The following DACH1 variants were observed in gnomAD, a reference collection of about 807,000 sequenced individuals.
DACH1 encodes the protein dachshund homolog 1.
DACH1 carries 12 observed loss-of-function variants against 54.2 expected under a neutral mutation model. The observed-to-expected ratio is 0.22, with a 90% confidence interval of 0.14 to 0.36. DACH1 has a LOEUF of 0.36. Ranked by LOEUF, DACH1 falls within the 10% of genes least tolerant of loss-of-function variation. DACH1 has a pLI of 1.00. For missense variants in DACH1, 805 were observed against 929.8 expected, an observed-to-expected ratio of 0.87 and a Z score of 1.75; for synonymous variants, 386 against 366.2, an observed-to-expected ratio of 1.05 and a Z score of -0.62.
chr13:71,537,088 C>T (rs1269905700), intron 6 of DACH1, among the ~76,000 whole-genome samples: 1 of 152,060 alleles, frequency 6.6e-6, no homozygotes, highest in African/African-American at 2.4e-5. Flanking sequence ...TGATCACTTC[C>T]CTACCTCCCT....
At chr13:71,752,311 T>A (rs531871596) in intron 1 of DACH1, among the ~76,000 whole-genome samples, 3 of 152,184 alleles carry the variant, frequency 2.0e-5, no homozygotes, top group Non-Finnish European at 4.4e-5. Flanking sequence ...ACTGTTGATT[T>A]TAAAAATATA....
chr13:71,533,787 C>T (rs947670505), intron 6 of DACH1, among the ~76,000 whole-genome samples: 2 of 151,910 alleles, frequency 1.3e-5, no homozygotes, highest in African/African-American at 4.8e-5. Flanking sequence ...CACACACACA[C>T]ACACTTTACT....
At chr13:71,595,351 G>C (rs1244874171) in intron 3 of DACH1, among the ~76,000 whole-genome samples, 1 of 152,094 alleles carries the variant, frequency 6.6e-6, no homozygotes, top group Non-Finnish European at 1.5e-5. Context: ...TATGAAATAG[G>C]AAGCCTTGGG....
At chr13:71,479,061 C>A in intron 8 of DACH1, 108 bp downstream of exon 8, 1 of 1,025,078 alleles carries the variant, frequency 9.8e-7, no homozygotes, top group Non-Finnish European at 1.4e-6. Flanking sequence ...ACTTTAGCTA[C>A]CGTTAAATTA....
rs182766954 is a variant in DACH1, at chr13:71,563,608, C to G, written c.1300-3653G>C. Among the ~76,000 whole-genome samples the G allele has an allele frequency of 1.5e-4, 23 of 151,790 alleles. No homozygotes were observed. In the East Asian group the frequency reaches 4.3e-3, roughly 28 times the overall value. The stretch of plus-strand genomic sequence containing the variant: ...TCATCCCTTTAATTCATGAATTGTT[C>G]AGTTACTCATTTACACATCCAAAAT... On this transcript the variant is annotated intron_variant, in intron 4 of 10. Coordinates refer to ENST00000613252, the MANE Select transcript of DACH1 (RefSeq NM_080759.6).
At chr13:71,663,875 A>C (rs1206586272) in intron 2 of DACH1, among the ~76,000 whole-genome samples, 137 of 152,074 alleles carry the variant, frequency 9.0e-4, no homozygotes, top group African/African-American at 3.0e-3. Context: ...AGAGTTCAAT[A>C]TGTAAAGTTC....
At chr13:71,783,720 C>T (rs903912367) in intron 1 of DACH1, among the ~76,000 whole-genome samples, 2 of 151,922 alleles carry the variant, frequency 1.3e-5, no homozygotes, top group Admixed American at 1.3e-4. Context: ...GTATACTTAA[C>T]TCTTGCTCAG....
chr13:71,798,023 C>T (rs1199748113), intron 1 of DACH1, among the ~76,000 whole-genome samples: 1 of 151,880 alleles, frequency 6.6e-6, no homozygotes, highest in Non-Finnish European at 1.5e-5. Context: ...TTTAAGTCCC[C>T]AGATGAAATG....
chr13:71,734,823 C>T (rs1278183841), intron 1 of DACH1, among the ~76,000 whole-genome samples: 1 of 134,638 alleles, frequency 7.4e-6, no homozygotes, highest in Non-Finnish European at 1.6e-5. Flanking sequence ...ATATGTATAT[C>T]CCATATACGT....
intron 1 of DACH1, among the ~76,000 whole-genome samples, chr13:71,726,886 G>A (rs1883497050): frequency 6.6e-6 from 1 of 151,866 alleles, no homozygotes; most frequent in Non-Finnish European, 1.5e-5. Context: ...AATAGCATAT[G>A]ATATCAGAGA....
chr13:71,519,072 T>C (rs1881375215), intron 6 of DACH1, among the ~76,000 whole-genome samples: 1 of 151,820 alleles, frequency 6.6e-6, no homozygotes, highest in Non-Finnish European at 1.5e-5. Context: ...ACAGAAATTA[T>C]GTGTCCAATA....
intron 6 of DACH1, among the ~76,000 whole-genome samples, chr13:71,553,429 A>C (rs1264687642): frequency 1.7e-5 from 2 of 118,800 alleles, no homozygotes; most frequent in Non-Finnish European, 3.2e-5. Context: ...CCATATATGT[A>C]TATTAGACAT....
intron 6 of DACH1, among the ~76,000 whole-genome samples, chr13:71,518,145 T>C (rs1219355080): frequency 6.6e-6 from 1 of 151,894 alleles, no homozygotes; most frequent in Non-Finnish European, 1.5e-5. Context: ...TAATGCCCAA[T>C]GTGACTATTT....
chr13:71,475,671 GAC>G (rs1566281735), intron 9 of DACH1, 33 bp downstream of exon 9: 3 of 1,580,336 alleles, frequency 1.9e-6, no homozygotes, highest in Middle Eastern at 1.7e-4. Flanking sequence ...CATTAAAAAT[GAC>G]AGTTATTCAT....
intron 1 of DACH1, among the ~76,000 whole-genome samples, chr13:71,861,907 CAAAAAAAA>C (rs71126514): frequency 2.8e-4 from 24 of 86,484 alleles, no homozygotes; most frequent in South Asian, 1.7e-3. Flanking sequence ...AACTCCTAAC[CAAAAAAAA>C]AAAAAAAAAA....
chr13:71,464,425 A>C (rs1876371024), intron 10 of DACH1, among the ~76,000 whole-genome samples: 1 of 152,082 alleles, frequency 6.6e-6, no homozygotes, highest in African/African-American at 2.4e-5. Context: ...TTTTTTGAAT[A>C]CTTCAATTAT....
At chr13:71,572,226 C>A (rs1025557067) in intron 4 of DACH1, among the ~76,000 whole-genome samples, 1 of 152,016 alleles carries the variant, frequency 6.6e-6, no homozygotes, top group South Asian at 2.1e-4. Flanking sequence ...AACATATTTA[C>A]ATATATAACA....
At chr13:71,682,183 G>A (rs985844078) in intron 1 of DACH1, among the ~76,000 whole-genome samples, 4 of 152,066 alleles carry the variant, frequency 2.6e-5, no homozygotes, top group Admixed American at 1.3e-4. Flanking sequence ...GAATTGCCTC[G>A]TTTGCATATG....
intron 1 of DACH1, among the ~76,000 whole-genome samples, chr13:71,843,431 A>T (rs1873014300): frequency 6.6e-6 from 1 of 151,846 alleles, no homozygotes; most frequent in African/African-American, 2.4e-5. Flanking sequence ...TGCCTGGCTA[A>T]TTTTTTTGTA....
Sources: allele counts gnomAD v4.1 joint callset (sites outside exome capture counted in the v4.1 genomes callset), GRCh38; gene constraint gnomAD v4.1.1; transcripts MANE v1.5; gene names NCBI Gene and HGNC (gene_info 2026-07-23, HGNC 2026-07-21).